The following LRP1B variants were observed in gnomAD, a reference collection of about 807,000 sequenced individuals.
LRP1B encodes low-density lipoprotein receptor-related protein 1B.
LRP1B carries 217 observed loss-of-function variants against 556.6 expected under a neutral mutation model. That is an observed-to-expected ratio of 0.39 (90% CI 0.35 to 0.44). LRP1B has a LOEUF of 0.44. Among genes scored for constraint, LRP1B ranks in the 20% least tolerant of loss-of-function variants. The pLI, the probability that LRP1B is intolerant of heterozygous loss-of-function variation, is 1.00. For missense variants in LRP1B, 5,053 were observed against 5,620.8 expected (o/e 0.90, Z 3.23); for synonymous variants, 2,047 against 1,865.8 (o/e 1.10, Z -2.50).
Position 140,404,988 on chromosome 2 carries a change from C to A in LRP1B, c.10415-18979G>T, listed in dbSNP as rs1398021684. Among the ~76,000 whole-genome samples, 4 of 152,128 alleles carry A rather than the reference C, an allele frequency of 2.6e-5. 1 individual carries two copies. The highest frequency in any genetic ancestry group is 5.9e-5 in the Non-Finnish European group (4 of 68,034). On this transcript the variant is annotated intron_variant, in intron 66 of 90. Transcript: ENST00000389484. The stretch of plus-strand genomic sequence containing the variant: ...TGATATGATAGGCTGCAAAACAAGT[C>A]TCAATGAATTTAAGAAAATGGAAAT...
intron 84 of LRP1B, among the ~76,000 whole-genome samples, chr2:140,275,412 G>A (rs991314978): frequency 6.6e-6 from 1 of 151,942 alleles, no homozygotes; most frequent in African/African-American, 2.4e-5. Context: ...ATTCAGTCTT[G>A]TAATGACGGT....
intron 6 of LRP1B, among the ~76,000 whole-genome samples, chr2:141,215,971 G>C (rs1302912319): frequency 6.6e-6 from 1 of 152,220 alleles, no homozygotes; most frequent in Non-Finnish European, 1.5e-5. Context: ...ACTTGCTACA[G>C]AAATTTGCAT....
intron 7 of LRP1B, among the ~76,000 whole-genome samples, chr2:141,110,017 A>T (rs1700708477): frequency 6.6e-6 from 1 of 152,146 alleles, no homozygotes; most frequent in Non-Finnish European, 1.5e-5. Flanking sequence ...GGAGTCAGAG[A>T]GTGGGGAAAA....
At chr2:140,915,892 G>T (rs929000123) in intron 21 of LRP1B, among the ~76,000 whole-genome samples, 11 of 151,730 alleles carry the variant, frequency 7.2e-5, no homozygotes, top group African/African-American at 2.7e-4. Context: ...GCCGGGTGAG[G>T]GGGCAGGCGC....
intron 1 of LRP1B, among the ~76,000 whole-genome samples, chr2:142,096,495 G>A (rs1706374501): frequency 2.0e-5 from 3 of 150,566 alleles, no homozygotes; most frequent in African/African-American, 4.9e-5. Context: ...ATAACTATAG[G>A]CATTTACCTT....
intron 68 of LRP1B, 37 bp from the exon 69 acceptor site, chr2:140,373,174 T>G (rs986519636): frequency 1.3e-6 from 2 of 1,585,308 alleles, no homozygotes; most frequent in Admixed American, 3.4e-5. Context: ...AAAATTAAAA[T>G]TTTAGAAACA....
chr2:140,954,475 T>C (rs895873271), intron 18 of LRP1B, among the ~76,000 whole-genome samples: 1 of 152,108 alleles, frequency 6.6e-6, no homozygotes, highest in Non-Finnish European at 1.5e-5. Context: ...ATCAATATTC[T>C]AAGTTTTGCT....
intron 3 of LRP1B, among the ~76,000 whole-genome samples, chr2:141,462,461 G>C (rs1681913664): frequency 6.6e-6 from 1 of 151,836 alleles, no homozygotes; most frequent in East Asian, 1.9e-4. Flanking sequence ...CATGGACACA[G>C]GGAGGGGGAC....
chr2:141,378,501 A>G (rs1689519902), intron 3 of LRP1B, among the ~76,000 whole-genome samples: 1 of 152,132 alleles, frequency 6.6e-6, no homozygotes, highest in African/African-American at 2.4e-5. Context: ...ATAGTGAGAA[A>G]CCATCTCTAA....
intron 1 of LRP1B, among the ~76,000 whole-genome samples, chr2:141,852,712 G>A (rs1697906475): frequency 6.6e-6 from 1 of 151,614 alleles, no homozygotes; most frequent in South Asian, 2.1e-4. Flanking sequence ...ATTTTGTTTT[G>A]TTGATCCAGC....
At chr2:140,668,304 C>T (rs554251410) in intron 41 of LRP1B, among the ~76,000 whole-genome samples, 34 of 76,290 alleles carry the variant, frequency 4.5e-4, no homozygotes, top group Non-Finnish European at 6.7e-4. Flanking sequence ...AGCGAGACTC[C>T]GTCTCAAAAA....
At chr2:140,273,428 T>A (rs1242279246) in intron 85 of LRP1B, among the ~76,000 whole-genome samples, 1 of 152,044 alleles carries the variant, frequency 6.6e-6, no homozygotes, top group Admixed American at 6.6e-5. Context: ...TACTTTCAAA[T>A]ATCCCAATTT....
intron 23 of LRP1B, among the ~76,000 whole-genome samples, chr2:140,893,843 C>T (rs1693870806): frequency 6.6e-6 from 1 of 152,168 alleles, no homozygotes; most frequent in Non-Finnish European, 1.5e-5. Flanking sequence ...GTGCTTTACA[C>T]ATTCTTAGTC....
chr2:140,373,763 A>G (rs1017536345), intron 68 of LRP1B, among the ~76,000 whole-genome samples: 1 of 152,156 alleles, frequency 6.6e-6, no homozygotes, highest in Admixed American at 6.5e-5. Flanking sequence ...AGTCTAGGCA[A>G]CATAGTGACA....
intron 72 of LRP1B, among the ~76,000 whole-genome samples, chr2:140,363,872 G>T (rs1029770578): frequency 6.6e-6 from 1 of 151,450 alleles, no homozygotes; most frequent in Non-Finnish European, 1.5e-5. Context: ...TATTTACCTG[G>T]TGTGCCACTG....
intron 3 of LRP1B, among the ~76,000 whole-genome samples, chr2:141,475,109 C>T (rs1306868671): frequency 6.6e-6 from 1 of 152,118 alleles, no homozygotes; most frequent in African/African-American, 2.4e-5. Context: ...TGTGGTGGCT[C>T]ACGCCTGTAA....
chr2:141,148,254 G>A (rs28502821), intron 7 of LRP1B, among the ~76,000 whole-genome samples: 12,684 of 152,200 alleles, frequency 0.083, 1,253 homozygotes, highest in African/African-American at 0.24. Context: ...AATGAGGTCA[G>A]TCTAATTCAG....
At chr2:141,441,675 G>A (rs1680977656) in intron 3 of LRP1B, among the ~76,000 whole-genome samples, 1 of 152,132 alleles carries the variant, frequency 6.6e-6, no homozygotes, top group Non-Finnish European at 1.5e-5. Flanking sequence ...CTATACAGGA[G>A]CTGATGCATA....
chr2:140,310,618 G>A (rs1371920319), intron 83 of LRP1B, among the ~76,000 whole-genome samples: 1 of 151,658 alleles, frequency 6.6e-6, no homozygotes, highest in Non-Finnish European at 1.5e-5. Context: ...ACTGATCTTT[G>A]ACAAAATTAA....
Sources: gnomAD v4.1 joint callset for allele counts (sites outside exome capture counted in the v4.1 genomes callset) on GRCh38, gnomAD v4.1.1 for gene constraint, MANE v1.5 for transcripts, NCBI Gene and HGNC (gene_info 2026-07-23, HGNC 2026-07-21) for gene names.